Variants in FSTL5 observed in about 807,000 individuals in gnomAD.
The protein encoded by FSTL5 is follistatin like 5.
In FSTL5, 62 loss-of-function variants were observed where a neutral mutation model predicts 89.1. The observed-to-expected ratio is 0.70, with a 90% CI of 0.57 to 0.86. FSTL5 has a LOEUF of 0.86. FSTL5 is among the 40% of genes least tolerant of loss of function. The pLI is 0.00. For synonymous variants in FSTL5, 383 were observed against 346.2 expected (o/e 1.11, Z -1.18); for missense variants, 1,057 against 1,001.6 (o/e 1.06, Z -0.75).
At chr4:161,825,142 G>A (rs1168567224) in intron 4 of FSTL5, among the ~76,000 whole-genome samples, 3 of 152,122 alleles carry the variant, frequency 2.0e-5, no homozygotes, top group Admixed American at 1.3e-4. Context: ...TGCATCCATT[G>A]AGATAAACAT....
chr4:161,999,800 C>T (rs1431974224), intron 3 of FSTL5, among the ~76,000 whole-genome samples: 1 of 152,150 alleles, frequency 6.6e-6, no homozygotes, highest in Non-Finnish European at 1.5e-5. Flanking sequence ...ATACATAATG[C>T]ACACTCCCCG....
chr4:161,602,180 AAAG>A (rs1734268177), intron 7 of FSTL5, among the ~76,000 whole-genome samples: 1 of 151,894 alleles, frequency 6.6e-6, no homozygotes, highest in Non-Finnish European at 1.5e-5. Context: ...ACAGAAAAAA[AAAG>A]AAAACAAAAA....
At chr4:161,646,430 T>C (rs1736156786) in intron 7 of FSTL5, among the ~76,000 whole-genome samples, 1 of 151,636 alleles carries the variant, frequency 6.6e-6, no homozygotes, top group East Asian at 1.9e-4. Context: ...ATGATTTGAG[T>C]ATATTACTTA....
At chr4:161,574,347 TTTTTTTTTTA>T (rs1242000891) in intron 8 of FSTL5, among the ~76,000 whole-genome samples, 18 of 151,542 alleles carry the variant, frequency 1.2e-4, no homozygotes, top group African/African-American at 4.4e-4. Context: ...TTTTTTTCTT[TTTTTTTTTTA>T]AATTTTACTT....
intron 4 of FSTL5, among the ~76,000 whole-genome samples, chr4:161,785,107 C>T (rs1741849637): frequency 6.6e-6 from 1 of 151,900 alleles, no homozygotes; most frequent in Non-Finnish European, 1.5e-5. Flanking sequence ...ACAATAGACC[C>T]AATAATAGAC....
chr4:161,556,377 T>C (rs1732393385), intron 8 of FSTL5, among the ~76,000 whole-genome samples: 1 of 151,560 alleles, frequency 6.6e-6, no homozygotes, highest in Admixed American at 6.6e-5. Flanking sequence ...TAGCCTTATT[T>C]TCTACCACCG....
intron 5 of FSTL5, among the ~76,000 whole-genome samples, chr4:161,763,644 C>T (rs968426127): frequency 4.6e-5 from 7 of 152,074 alleles, no homozygotes; most frequent in South Asian, 2.1e-4. Context: ...CATAGAGTAA[C>T]GTACCATTCA....
chr4:162,145,645 C>G (rs548668185), intron 1 of FSTL5, among the ~76,000 whole-genome samples: 135 of 152,090 alleles, frequency 8.9e-4, no homozygotes, highest in Non-Finnish European at 1.3e-3. Context: ...CTCTTAAATA[C>G]TCCCAGATGG....
intron 5 of FSTL5, 63 bp from the exon 6 acceptor site, chr4:161,759,594 T>A: frequency 4.9e-6 from 5 of 1,013,044 alleles, no homozygotes; most frequent in African/African-American, 1.7e-5. Context: ...TAATATAATT[T>A]ATTATATGTA....
At chr4:161,525,673 T>C (rs539837641) in intron 10 of FSTL5, among the ~76,000 whole-genome samples, 2 of 152,328 alleles carry the variant, frequency 1.3e-5, no homozygotes, top group South Asian at 4.1e-4. Flanking sequence ...ATGTGTGACA[T>C]TGCTGGCTCT....
chr4:162,108,419 A>G (rs1731309337), intron 2 of FSTL5, among the ~76,000 whole-genome samples: 1 of 152,064 alleles, frequency 6.6e-6, no homozygotes, highest in Non-Finnish European at 1.5e-5. Context: ...TGAGCTCTAT[A>G]TATCTCTTTG....
intron 9 of FSTL5, among the ~76,000 whole-genome samples, chr4:161,538,826 C>T (rs560583986): frequency 5.1e-4 from 78 of 152,142 alleles, no homozygotes; most frequent in South Asian, 1.5e-3. Flanking sequence ...TACAGTGGCA[C>T]GATCTCAGCT....
At chr4:161,870,092 T>C (rs1230849241) in intron 4 of FSTL5, among the ~76,000 whole-genome samples, 1 of 152,128 alleles carries the variant, frequency 6.6e-6, no homozygotes, top group Non-Finnish European at 1.5e-5. Context: ...AGAATGAGTG[T>C]TGGAATTTGA....
intron 4 of FSTL5, among the ~76,000 whole-genome samples, chr4:161,902,182 T>A (rs930206486): frequency 6.6e-6 from 1 of 152,316 alleles, no homozygotes; most frequent in East Asian, 1.9e-4. Context: ...AGACTGTACC[T>A]ACCCAAAAGG....
intron 3 of FSTL5, among the ~76,000 whole-genome samples, chr4:161,922,865 T>C (rs1734029425): frequency 6.6e-6 from 1 of 151,930 alleles, no homozygotes; most frequent in East Asian, 1.9e-4. Flanking sequence ...TGGGCAAGTT[T>C]TGCTATTTTT....
intron 10 of FSTL5, among the ~76,000 whole-genome samples, chr4:161,514,142 G>C (rs1449788535): frequency 6.6e-6 from 1 of 151,788 alleles, no homozygotes; most frequent in Non-Finnish European, 1.5e-5. Context: ...TAAGAATACA[G>C]GGATATTTAA....
intron 6 of FSTL5, among the ~76,000 whole-genome samples, chr4:161,710,276 A>T (rs1369835653): frequency 3.9e-5 from 6 of 152,136 alleles, no homozygotes; most frequent in Non-Finnish European, 8.8e-5. Context: ...CCAAACACAG[A>T]CTTTTGATAG....
chr4:161,937,357 ACAT>A (rs1734461132), intron 3 of FSTL5, among the ~76,000 whole-genome samples: 1 of 152,126 alleles, frequency 6.6e-6, no homozygotes, highest in Non-Finnish European at 1.5e-5. Flanking sequence ...AGATGGTAGG[ACAT>A]AATTAATAAA....
chr4:161,634,628 A>G (rs1162147787), intron 7 of FSTL5, among the ~76,000 whole-genome samples: 1 of 152,200 alleles, frequency 6.6e-6, no homozygotes, highest in Non-Finnish European at 1.5e-5. Context: ...GCTAAGAGAA[A>G]TAAGTCAGAT....
Sources: allele counts gnomAD v4.1 joint callset (sites outside exome capture counted in the v4.1 genomes callset), GRCh38; gene constraint gnomAD v4.1.1; transcripts MANE v1.5; gene names NCBI Gene and HGNC (gene_info 2026-07-23, HGNC 2026-07-21).